Variants in CLSTN2 observed in about 807,000 individuals in gnomAD.
CLSTN2 encodes the protein calsyntenin 2.
Under a neutral mutation model 101.2 loss-of-function variants are expected in CLSTN2, and 48 were observed. The observed-to-expected ratio is 0.47, with a 90% CI of 0.38 to 0.60. The LOEUF is 0.60. CLSTN2 is among the 20% of genes least tolerant of loss of function. CLSTN2 has a pLI of 0.00. For missense variants in CLSTN2, 1,160 were observed against 1,238.2 expected (o/e 0.94, Z 0.95); for synonymous variants, 481 against 463.6 (o/e 1.04, Z -0.48).
chr3:140,547,291 T>TGGG (rs59920486), intron 10 of CLSTN2, among the ~76,000 whole-genome samples: 30,262 of 151,904 alleles, frequency 0.2, 4,283 homozygotes, highest in African/African-American at 0.41. Flanking sequence ...CTGACCAACA[T>TGGG]GGTGAAACCC....
At chr3:140,314,945 G>C (rs2087214673) in intron 2 of CLSTN2, among the ~76,000 whole-genome samples, 1 of 152,176 alleles carries the variant, frequency 6.6e-6, no homozygotes, top group Non-Finnish European at 1.5e-5. Context: ...CTGGCACAAA[G>C]CAAGCACCAG....
intron 1 of CLSTN2, among the ~76,000 whole-genome samples, chr3:140,073,753 C>T (rs1156626210): frequency 1.3e-5 from 2 of 152,210 alleles, no homozygotes; most frequent in Admixed American, 6.5e-5. Flanking sequence ...CACGCACTTC[C>T]CTGCCTAGAA....
chr3:140,023,650 C>T (rs564101617), intron 1 of CLSTN2, among the ~76,000 whole-genome samples: 17 of 152,268 alleles, frequency 1.1e-4, no homozygotes, highest in Admixed American at 4.6e-4. Flanking sequence ...CACTGGGGCA[C>T]CTCTACTGCC....
intron 2 of CLSTN2, among the ~76,000 whole-genome samples, chr3:140,255,801 T>G (rs892111881): frequency 6.6e-6 from 1 of 152,182 alleles, no homozygotes; most frequent in Non-Finnish European, 1.5e-5. Flanking sequence ...AAAGGAATTT[T>G]TTTAAATTTA....
At chr3:140,063,493 G>A (rs533893129) in intron 1 of CLSTN2, among the ~76,000 whole-genome samples, 36 of 152,256 alleles carry the variant, frequency 2.4e-4, no homozygotes, top group African/African-American at 8.4e-4. Context: ...GCTTTGATAT[G>A]CATTGCAGTC....
intron 1 of CLSTN2, among the ~76,000 whole-genome samples, chr3:140,056,592 C>T (rs976284476): frequency 2.0e-5 from 3 of 152,106 alleles, no homozygotes; most frequent in African/African-American, 7.2e-5. Flanking sequence ...GGATAGGGAG[C>T]AGCTCCCAGA....
At chr3:140,140,081 A>T (rs1422601363) in intron 1 of CLSTN2, among the ~76,000 whole-genome samples, 1 of 152,164 alleles carries the variant, frequency 6.6e-6, no homozygotes, top group African/African-American at 2.4e-5. Context: ...TTTTTGACTC[A>T]GTGTGTTTGA....
chr3:140,017,610 G>A (rs1462987034), intron 1 of CLSTN2, among the ~76,000 whole-genome samples: 7 of 152,300 alleles, frequency 4.6e-5, no homozygotes, highest in Admixed American at 2.6e-4. Flanking sequence ...ACACAACTAG[G>A]CTCAAGGCAC....
chr3:139,994,483 G>A (rs1936168383), intron 1 of CLSTN2, among the ~76,000 whole-genome samples: 1 of 152,104 alleles, frequency 6.6e-6, no homozygotes, highest in Non-Finnish European at 1.5e-5. Context: ...CCACTGCCCT[G>A]GGCCACCACG....
At chr3:140,158,874 G>A (rs751853831) in intron 1 of CLSTN2, among the ~76,000 whole-genome samples, 4 of 152,054 alleles carry the variant, frequency 2.6e-5, no homozygotes, top group Non-Finnish European at 4.4e-5. Context: ...ATATAAAGCC[G>A]CACAGGTACA....
intron 1 of CLSTN2, among the ~76,000 whole-genome samples, chr3:140,010,703 C>G (rs2007054799): frequency 6.6e-6 from 1 of 152,306 alleles, no homozygotes; most frequent in African/African-American, 2.4e-5. Flanking sequence ...TTACTCCCAC[C>G]ATCCACTGCA....
intron 1 of CLSTN2, among the ~76,000 whole-genome samples, chr3:140,152,004 G>A (rs1159740140): frequency 6.6e-6 from 1 of 152,130 alleles, no homozygotes; most frequent in Non-Finnish European, 1.5e-5. Context: ...TATAATTTAA[G>A]ACCCAGCTCT....
chr3:140,517,215 G>T (rs1297847420), intron 8 of CLSTN2, among the ~76,000 whole-genome samples: 1 of 152,072 alleles, frequency 6.6e-6, no homozygotes, highest in Non-Finnish European at 1.5e-5. Context: ...TTTTACTGAA[G>T]ATTTTTCCCT....
intron 1 of CLSTN2, among the ~76,000 whole-genome samples, chr3:140,113,735 G>T (rs1261346581): frequency 1.3e-5 from 2 of 152,196 alleles, no homozygotes; most frequent in African/African-American, 4.8e-5. Flanking sequence ...GAAAACTGAG[G>T]CAGGGAGTGC....
intron 2 of CLSTN2, among the ~76,000 whole-genome samples, chr3:140,296,893 A>G (rs772617170): frequency 2.0e-5 from 3 of 152,222 alleles, no homozygotes; most frequent in Non-Finnish European, 4.4e-5. Context: ...AGGATAAACA[A>G]GAACGAGCTG....
intron 1 of CLSTN2, among the ~76,000 whole-genome samples, chr3:140,095,249 T>TAAATA (rs1055308754): frequency 3.3e-5 from 5 of 151,934 alleles, no homozygotes; most frequent in African/African-American, 1.2e-4. Context: ...GAACAAATAA[T>TAAATA]AACTCATAAC....
intron 2 of CLSTN2, among the ~76,000 whole-genome samples, chr3:140,331,229 G>T (rs2107929387): frequency 6.6e-6 from 1 of 152,280 alleles, no homozygotes; most frequent in East Asian, 1.9e-4. Context: ...CAAGCATCTG[G>T]CACGGGAAGA....
chr3:140,037,268 T>C (rs79452295), intron 1 of CLSTN2, among the ~76,000 whole-genome samples: 6,016 of 152,252 alleles, frequency 0.04, 375 homozygotes, highest in African/African-American at 0.13. Flanking sequence ...CAGAGCAATT[T>C]TGAAGCAACT....
At chr3:140,232,373 G>A (rs1413369677) in intron 2 of CLSTN2, among the ~76,000 whole-genome samples, 1 of 152,106 alleles carries the variant, frequency 6.6e-6, no homozygotes, top group African/African-American at 2.4e-5. Flanking sequence ...ACTCTCTCCT[G>A]ATCCTCATTC....
Sources: gnomAD v4.1 joint callset for allele counts (sites outside exome capture counted in the v4.1 genomes callset) on GRCh38, gnomAD v4.1.1 for gene constraint, MANE v1.5 for transcripts, NCBI Gene and HGNC (gene_info 2026-07-23, HGNC 2026-07-21) for gene names.